CCSER1: variants seen among roughly 807,000 people sequenced by gnomAD.
CCSER1 encodes the protein coiled-coil serine rich protein 1.
Under a neutral mutation model 82.0 loss-of-function variants are expected in CCSER1, and 41 were observed. That is an observed-to-expected ratio of 0.50 (90% CI 0.39 to 0.65). The LOEUF is 0.65. Ranked by LOEUF, CCSER1 falls within the 30% of genes least tolerant of loss-of-function variation. CCSER1 has a pLI of 0.00. For missense variants in CCSER1, 1,119 were observed against 1,064.2 expected, an observed-to-expected ratio of 1.05 and a Z score of -0.72; for synonymous variants, 414 against 383.9, an observed-to-expected ratio of 1.08 and a Z score of -0.92.
intron 5 of CCSER1, among the ~76,000 whole-genome samples, chr4:90,496,893 G>T (rs544247708): frequency 6.8e-6 from 1 of 147,292 alleles, no homozygotes; most frequent in Non-Finnish European, 1.5e-5. Flanking sequence ...CAGGAGAATC[G>T]CTTGAACCCA....
chr4:90,230,380 A>G (rs2153427192), intron 1 of CCSER1, among the ~76,000 whole-genome samples: 1 of 152,330 alleles, frequency 6.6e-6, no homozygotes, highest in South Asian at 2.1e-4. Flanking sequence ...TACTGGGTAT[A>G]TAACGAAATG....
chr4:90,203,417 A>G (rs1454949209), intron 1 of CCSER1, among the ~76,000 whole-genome samples: 1 of 152,056 alleles, frequency 6.6e-6, no homozygotes, highest in Non-Finnish European at 1.5e-5. Context: ...TCATTGTTCA[A>G]TTCCCACTTA....
intron 10 of CCSER1, among the ~76,000 whole-genome samples, chr4:91,540,923 A>G (rs757139974): frequency 1.3e-5 from 2 of 152,094 alleles, no homozygotes; most frequent in Non-Finnish European, 2.9e-5. Flanking sequence ...TTTCCCCAAT[A>G]CCACACTGTC....
At chr4:90,178,369 A>AT (rs1733095057) in intron 1 of CCSER1, among the ~76,000 whole-genome samples, 1 of 151,972 alleles carries the variant, frequency 6.6e-6, no homozygotes, top group African/African-American at 2.4e-5. Flanking sequence ...TCTCTGATAT[A>AT]ATTTTTTTTT....
chr4:91,167,447 G>A (rs939135988), intron 10 of CCSER1, among the ~76,000 whole-genome samples: 1 of 152,010 alleles, frequency 6.6e-6, no homozygotes, highest in Non-Finnish European at 1.5e-5. Flanking sequence ...GCCTCCCAAA[G>A]TGCTGGGATT....
intron 1 of CCSER1, among the ~76,000 whole-genome samples, chr4:90,234,683 G>T (rs1483789733): frequency 6.6e-6 from 1 of 152,112 alleles, no homozygotes; most frequent in Non-Finnish European, 1.5e-5. Flanking sequence ...ACTCTGCTAA[G>T]TTATTTATTT....
At chr4:90,535,101 T>TA (rs1240273530) in intron 5 of CCSER1, among the ~76,000 whole-genome samples, 5 of 152,218 alleles carry the variant, frequency 3.3e-5, no homozygotes, top group African/African-American at 1.2e-4. Flanking sequence ...TCTTTTTTTT[T>TA]ACTTAGCTAC....
chr4:90,249,953 G>C (rs72877741), intron 1 of CCSER1, among the ~76,000 whole-genome samples: 6,812 of 152,112 alleles, frequency 0.045, 396 homozygotes, highest in African/African-American at 0.13. Context: ...GCATAAAGTG[G>C]TGCCTCATTG....
At chr4:90,943,236 T>C (rs757951741) in intron 9 of CCSER1, among the ~76,000 whole-genome samples, 12 of 152,104 alleles carry the variant, frequency 7.9e-5, no homozygotes, top group Admixed American at 1.3e-4. Context: ...GCAAGAAATA[T>C]GCTACACAGA....
At chr4:90,998,695 A>T (rs1353934900) in intron 9 of CCSER1, among the ~76,000 whole-genome samples, 2 of 150,698 alleles carry the variant, frequency 1.3e-5, no homozygotes, top group African/African-American at 4.9e-5. Flanking sequence ...ATAAATTTGC[A>T]TCCATAAATC....
intron 1 of CCSER1, among the ~76,000 whole-genome samples, chr4:90,165,834 C>A (rs1181222763): frequency 1.3e-5 from 2 of 151,774 alleles, no homozygotes; most frequent in Non-Finnish European, 2.9e-5. Context: ...GTTTAAAAAG[C>A]AGAAATGTAA....
At chr4:90,379,539 T>C (rs1040191373) in intron 3 of CCSER1, among the ~76,000 whole-genome samples, 1 of 152,128 alleles carries the variant, frequency 6.6e-6, no homozygotes, top group Non-Finnish European at 1.5e-5. Context: ...AATGGTGATA[T>C]AGAAGATAGA....
At chr4:90,655,418 TA>T (rs1729529123) in intron 6 of CCSER1, among the ~76,000 whole-genome samples, 1 of 151,990 alleles carries the variant, frequency 6.6e-6, no homozygotes, top group African/African-American at 2.4e-5. Context: ...TATTGCATGG[TA>T]AAAGAGAACT....
chr4:91,297,723 T>G (rs577832029), intron 10 of CCSER1, among the ~76,000 whole-genome samples: 3 of 151,878 alleles, frequency 2.0e-5, no homozygotes, highest in African/African-American at 7.2e-5. Context: ...TGTGGTGAAA[T>G]TCTCAATAGA....
intron 10 of CCSER1, among the ~76,000 whole-genome samples, chr4:91,591,263 T>A (rs1233525309): frequency 6.6e-6 from 1 of 152,144 alleles, no homozygotes; most frequent in Non-Finnish European, 1.5e-5. Context: ...ATTTCAATAT[T>A]TTATTCAGTG....
At chr4:90,368,194 T>C (rs2153522615) in intron 3 of CCSER1, among the ~76,000 whole-genome samples, 1 of 152,014 alleles carries the variant, frequency 6.6e-6, no homozygotes, top group African/African-American at 2.4e-5. Context: ...AAATACCTGG[T>C]TGTCATTCAA....
chr4:90,702,005 G>A (rs1327312922), intron 6 of CCSER1, among the ~76,000 whole-genome samples: 3 of 151,908 alleles, frequency 2.0e-5, no homozygotes, highest in African/African-American at 4.8e-5. Flanking sequence ...AACTTCCAAC[G>A]CTACATTGAA....
In CCSER1 at chr4:90,281,975, A is replaced by G. The variant is rs183035758; in HGVS notation, c.-41-26269A>G. On this transcript the variant is annotated intron_variant, in intron 1 of 10. Transcript: ENST00000509176. ...CACATTGTGATGGGATAAAAACACT[A>G]TATTTTCTAAACTGAATTTTCAAAA... is the stretch of plus-strand genomic sequence containing the variant. 1.1e-4 allele frequency among the ~76,000 whole-genome samples: 17 copies of G among 152,176 alleles called. No individual in the cohort carries two copies. In the East Asian group the frequency reaches 2.9e-3, roughly 26 times the overall value.
At chr4:90,503,912 A>G (rs1770307097) in intron 5 of CCSER1, among the ~76,000 whole-genome samples, 2 of 152,092 alleles carry the variant, frequency 1.3e-5, no homozygotes, top group Admixed American at 1.3e-4. Context: ...GACTTATCGT[A>G]TACTTTTTTC....
Sources: gnomAD v4.1 joint callset for allele counts (sites outside exome capture counted in the v4.1 genomes callset) on GRCh38, gnomAD v4.1.1 for gene constraint, MANE v1.5 for transcripts, NCBI Gene and HGNC (gene_info 2026-07-23, HGNC 2026-07-21) for gene names.